Variants in MEF2A observed in about 807,000 individuals in gnomAD.
MEF2A encodes myocyte enhancer factor 2A, also known as myocyte-specific enhancer factor 2A.
In MEF2A, 28 loss-of-function variants were observed where a neutral mutation model predicts 55.8. That is an observed-to-expected ratio of 0.50 (90% CI 0.37 to 0.69). The LOEUF (loss-of-function observed/expected upper bound fraction) is 0.69. MEF2A is among the 30% of genes least tolerant of loss of function. The probability of loss-of-function intolerance (pLI) is 0.00; values close to 1 mark genes in which losing one functional copy is unlikely to be tolerated. For missense variants in MEF2A, 528 were observed against 626.2 expected (o/e 0.84, Z 1.67); for synonymous variants, 239 against 227.1 (o/e 1.05, Z -0.47).
chr15:99,641,226 T>C (rs900570275), intron 3 of MEF2A, among the ~76,000 whole-genome samples: 1 of 152,142 alleles, frequency 6.6e-6, no homozygotes, highest in Non-Finnish European at 1.5e-5. Flanking sequence ...GGTTGAGAAG[T>C]CACCCTGCCA....
chr15:99,656,589 A>G (rs2047751029), intron 4 of MEF2A, among the ~76,000 whole-genome samples: 1 of 152,152 alleles, frequency 6.6e-6, no homozygotes, highest in Non-Finnish European at 1.5e-5. Context: ...TTCCAGTGTG[A>G]TAACTTCATG....
intron 2 of MEF2A, among the ~76,000 whole-genome samples, chr15:99,608,405 C>T (rs1387914168): frequency 1.3e-5 from 2 of 152,186 alleles, no homozygotes; most frequent in South Asian, 2.1e-4. Context: ...TTGAATGTCT[C>T]TAATCTAAAA....
chr15:99,622,702 C>CTTTTTTTTTTTTTT (rs56054040), intron 2 of MEF2A, among the ~76,000 whole-genome samples: 60 of 135,702 alleles, frequency 4.4e-4, no homozygotes, highest in Non-Finnish European at 6.7e-4. Context: ...GTTTTCTTTT[C>CTTTTTTTTTTTTTT]TTTTTTTTTT....
chr15:99,590,153 T>A (rs1413281885), intron 1 of MEF2A, among the ~76,000 whole-genome samples: 1 of 152,102 alleles, frequency 6.6e-6, no homozygotes, highest in Non-Finnish European at 1.5e-5. Context: ...GTTTGCTTTA[T>A]GTGTTTTGGA....
At chr15:99,576,802 G>A (rs2570821) in intron 1 of MEF2A, among the ~76,000 whole-genome samples, 32,306 of 151,806 alleles carry the variant, frequency 0.21, 4,045 homozygotes, top group South Asian at 0.33. Context: ...CACCGCGCCC[G>A]GCTAATTTTT....
chr15:99,663,137 G>C (rs745800370), intron 4 of MEF2A, among the ~76,000 whole-genome samples: 1 of 151,960 alleles, frequency 6.6e-6, no homozygotes, highest in Non-Finnish European at 1.5e-5. Flanking sequence ...GGCTCTAGCA[G>C]ATACTCCAGC....
intron 2 of MEF2A, among the ~76,000 whole-genome samples, chr15:99,601,810 TGTGTGTGTGTGTGTGTGTG>T (rs1973128315): frequency 0.19 from 451 of 2,336 alleles, 4 homozygotes; most frequent in East Asian, 0.25. Flanking sequence ...GTCTGTTTTG[TGTGTGTGTGTGTGTGTGTG>T]TGTGTGTGTG....
intron 8 of MEF2A, among the ~76,000 whole-genome samples, chr15:99,699,900 A>G (rs1000395463): frequency 2.0e-5 from 3 of 151,856 alleles, no homozygotes; most frequent in African/African-American, 7.3e-5. Context: ...GGTGGGGTCT[A>G]GAATGAGCCT....
intron 2 of MEF2A, among the ~76,000 whole-genome samples, chr15:99,601,826 T>C: frequency 1.5e-5 from 1 of 65,336 alleles, no homozygotes; most frequent in South Asian, 1.0e-3. Flanking sequence ...TGTGTGTGTG[T>C]GTGTGTGTGT....
chr15:99,623,147 A>G (rs2041512506), intron 2 of MEF2A, among the ~76,000 whole-genome samples: 1 of 152,188 alleles, frequency 6.6e-6, no homozygotes, highest in South Asian at 2.1e-4. Flanking sequence ...ATACCAATGG[A>G]CTCATTAGTA....
intron 1 of MEF2A, among the ~76,000 whole-genome samples, chr15:99,594,527 G>A (rs969364314): frequency 4.3e-5 from 6 of 141,158 alleles, no homozygotes; most frequent in South Asian, 4.4e-4. Context: ...ATCATTGACC[G>A]TTGGTAATCA....
At chr15:99,697,856 G>A (rs1218630388) in intron 8 of MEF2A, among the ~76,000 whole-genome samples, 1 of 152,172 alleles carries the variant, frequency 6.6e-6, no homozygotes. Flanking sequence ...TCCAGAAAGT[G>A]TGATATTGAC....
chr15:99,690,471 T>C (rs1219857009), intron 8 of MEF2A, 43 bp downstream of exon 8: 2 of 1,500,322 alleles, frequency 1.3e-6, no homozygotes, highest in East Asian at 2.3e-5. Flanking sequence ...AAAACACATA[T>C]TTTATACATA....
intron 1 of MEF2A, among the ~76,000 whole-genome samples, chr15:99,586,790 T>C (rs1316517790): frequency 6.6e-6 from 1 of 152,154 alleles, no homozygotes; most frequent in African/African-American, 2.4e-5. Flanking sequence ...GTTTTATAGT[T>C]TAGCTTTTAT....
chr15:99,683,774 T>C (rs575927249), intron 7 of MEF2A, among the ~76,000 whole-genome samples: 1 of 151,880 alleles, frequency 6.6e-6, no homozygotes, highest in African/African-American at 2.4e-5. Context: ...TTTTGTTGCA[T>C]GGAAAAATTC....
chr15:99,626,533 A>G (rs958780579), intron 2 of MEF2A, among the ~76,000 whole-genome samples: 16 of 152,090 alleles, frequency 1.1e-4, no homozygotes, highest in African/African-American at 3.9e-4. Context: ...CTTTGGGGGA[A>G]AATCACAGCA....
chr15:99,575,292 C>T (rs957974808), intron 1 of MEF2A, among the ~76,000 whole-genome samples: 2 of 152,088 alleles, frequency 1.3e-5, no homozygotes, highest in African/African-American at 2.4e-5. Flanking sequence ...CAATATTATA[C>T]AATGCATTTT....
At chr15:99,643,858 TG>T (rs1307425776) in intron 3 of MEF2A, among the ~76,000 whole-genome samples, 2 of 152,352 alleles carry the variant, frequency 1.3e-5, no homozygotes, top group East Asian at 3.9e-4. Flanking sequence ...CCCAAAGTGC[TG>T]GGATTACGGG....
chr15:99,679,133 T>C (rs1396440825), intron 7 of MEF2A, among the ~76,000 whole-genome samples: 1 of 152,176 alleles, frequency 6.6e-6, no homozygotes, highest in Non-Finnish European at 1.5e-5. Flanking sequence ...ACACTGGTAA[T>C]GGGAGTACAA....
Sources: allele counts gnomAD v4.1 joint callset (sites outside exome capture counted in the v4.1 genomes callset), GRCh38; gene constraint gnomAD v4.1.1; transcripts MANE v1.5; gene names NCBI Gene and HGNC (gene_info 2026-07-23, HGNC 2026-07-21).